FBXW5: variants seen among roughly 807,000 people sequenced by gnomAD.
The protein encoded by FBXW5 is F-box and WD repeat domain containing 5, also known as F-box/WD repeat-containing protein 5.
In FBXW5, 74 loss-of-function variants were observed where a neutral mutation model predicts 50.9. The observed-to-expected ratio is 1.45, with a 90% CI of 1.20 to 1.76. The LOEUF is 1.76. Among genes scored for constraint, FBXW5 ranks in the 40% most tolerant of loss-of-function variants. The pLI is 0.00. For missense variants in FBXW5, 1,073 were observed against 818.8 expected (o/e 1.31, Z -3.79); for synonymous variants, 523 against 362.2 (o/e 1.44, Z -5.04).
Position 136,940,793 on chromosome 9 carries a change from T to C in FBXW5, c.*135A>G, listed in dbSNP as rs547623993. 7 of 1,321,576 alleles carry C rather than the reference T, an allele frequency of 5.3e-6. No individual in the cohort carries two copies. The highest frequency in any genetic ancestry group is 4.4e-5 in the South Asian group (3 of 68,460). 81.9% of individuals were successfully genotyped at this position (1,321,576 alleles called of 1,614,324 possible). ...GCGTGAGCAGGTTTGTGTGTGAGCG[T>C]GTGGCGGGGCCTGGTTGTCCCCTTC... On this transcript the variant is annotated 3_prime_UTR_variant, in exon 9 of 9. Transcript: ENST00000325285.
Position 136,942,616 on chromosome 9 carries a change from G to A in FBXW5, c.606C>T (p.Ile202=). Residue 202 remains isoleucine, a synonymous_variant, in exon 5 of 9, where the codon ATC becomes ATT. Transcript: ENST00000325285. ...FGCWLTETSL[I]SGNLHRIGDI... is the part of the protein sequence containing the mutation. ...CTCCGATGCGGTGCAGGTTCCCCGA[G>A]ATGAGGCTGGTCTCGGTGAGCCAAC... 4 of 1,610,640 alleles carry A rather than the reference G, an allele frequency of 2.5e-6. No individual in the cohort carries two copies. Among genetic ancestry groups the A allele is most frequent in the Non-Finnish European group, 3.4e-6 (4 of 1,179,018 alleles).
At chr9:136,943,012 C>T in intron 3 of FBXW5, 69 bp from the exon 4 acceptor site, 1 of 1,601,606 alleles carries the variant, frequency 6.2e-7, no homozygotes, top group Non-Finnish European at 8.5e-7. Context: ...TACTACACAG[C>T]CATGAGGCCC....
Position 136,941,336 on chromosome 9 carries a change from G to C in FBXW5, c.1372C>G (p.Arg458Gly), listed in dbSNP as rs111761422. Residue 458 changes from arginine (R) to glycine (G), a missense_variant, in exon 8 of 9, where the codon CGG becomes GGG. Coordinates refer to ENST00000325285, the MANE Select transcript of FBXW5 (RefSeq NM_018998.4). ...TAGGCGCGGTGCGCACGCAGAGCCC[G>C]CCTCACCTCCCGCATGGTCTTGAGG... ...FDLKTMREVR[R>G]ALRAHRAYTP... is the part of the protein sequence containing the mutation. The C allele has an allele frequency of 5.0e-6, 8 of 1,610,602 alleles. No individual in the cohort carries two copies. The highest frequency in any genetic ancestry group is 1.3e-5 in the African/African-American group (1 of 74,842).
At chr9:136,943,152 C>G in intron 3 of FBXW5, 197 bp downstream of exon 3, 2 of 1,026,354 alleles carry the variant, frequency 1.9e-6, no homozygotes, top group Non-Finnish European at 1.4e-6. Context: ...GTGTGGGACC[C>G]TCTCCTCAGC....
rs999669605 is a variant in FBXW5 at position 136,941,575 on chromosome 9, G to C, written c.1206C>G (p.His402Gln). 3.7e-6 allele frequency: 6 copies of C among 1,609,804 alleles called. No homozygotes were observed. Among genetic ancestry groups the C allele is most frequent in the South Asian group, 2.2e-5 (2 of 90,864 alleles). The change falls in exon 7 of 9, where the codon CAC becomes CAG. Residue 402 changes from histidine to glutamine, a missense_variant. Transcript: ENST00000325285. ...ACAGGCCCATGCCGATGATGTGTCC[G>C]TGTATGTCTATGACGTGGTCCAGCG... ...FDALDHVIDIHGHIIGMGLSP... is the reference protein window; with the variant it reads ...FDALDHVIDIQGHIIGMGLSP...
chr9:136,943,770 T>TGGG lies in FBXW5; in HGVS notation c.193+118_193+120dup, dbSNP rs546612481. 79 of 1,184,484 alleles carry TGGG rather than the reference T, an allele frequency of 6.7e-5. No homozygotes were observed. In the African/African-American group the frequency reaches 1.1e-3, roughly 17 times the overall value. The allele number at this position is 1,184,484 out of a possible 1,614,324, so 73.4% of individuals were successfully genotyped here. ...GTCCTGACAGGCCTCTATCAGGGTGTGGGGGGGTGAGCATGGACACGCGGG... is the reference window on the plus strand; with the variant it reads ...GTCCTGACAGGCCTCTATCAGGGTGTGGGGGGGGGGTGAGCATGGACACGCGGG... On this transcript the variant is annotated intron_variant, in intron 2 of 8. Coordinates refer to ENST00000325285, the MANE Select transcript of FBXW5 (RefSeq NM_018998.4).
In FBXW5 at chr9:136,944,018, G is replaced by A; in HGVS notation, c.66C>T (p.Gly22=). 1 of 1,601,420 alleles carries A rather than the reference G, an allele frequency of 6.2e-7. No individual in the cohort carries two copies. The highest frequency in any genetic ancestry group is 8.5e-7 in the Non-Finnish European group (1 of 1,174,876). The part of the protein sequence containing the change: ...SLVYQIFLSL[G]PADVLAAGLV... ...GCCCGGCGGCCAGCACGTCGGCCGGGCCCAGGCTCAGGAAGATCTGGTAGA... is the reference window on the plus strand; with the variant it reads ...GCCCGGCGGCCAGCACGTCGGCCGGACCCAGGCTCAGGAAGATCTGGTAGA... The change falls in exon 2 of 9, where the codon GGC becomes GGT. Residue 22 remains glycine, a synonymous_variant. Transcript: ENST00000325285.
At position 136,943,394 on chromosome 9, in the gene FBXW5, A is replaced by G. The variant is rs1180833236; in HGVS notation, c.306T>C (p.His102=). ...AGCAGGACGCGAACTGGTACCCGGA[A>G]TGGGAGAAGCTGAGGTGCAGGACCT... ...TDQVLHLSFS[H]SGYQFASCSK... Residue 102 remains histidine, a synonymous_variant, in exon 3 of 9, where the codon CAT becomes CAC. Transcript: ENST00000325285. The G allele has an allele frequency of 6.2e-7, 1 of 1,612,728 alleles. No homozygotes were observed. Among genetic ancestry groups the G allele is most frequent in the Non-Finnish European group, 8.5e-7 (1 of 1,179,948 alleles).
chr9:136,941,500 G>A (rs1241998943), intron 7 of FBXW5, 37 bp from the exon 8 acceptor site: 7 of 1,606,126 alleles, frequency 4.4e-6, no homozygotes, highest in Admixed American at 1.7e-5. Context: ...TGGGCCGCCT[G>A]CGGGCACCCC....
In FBXW5 at chr9:136,941,649, C is replaced by T; in HGVS notation, c.1132G>A (p.Ala378Thr). 6.4e-7 allele frequency: 1 copy of T among 1,568,974 alleles called. No homozygotes were observed. Among genetic ancestry groups the T allele is most frequent in the Non-Finnish European group, 8.6e-7 (1 of 1,157,516 alleles). The stretch of plus-strand genomic sequence containing the variant: ...CGGCCCTCACCCAGCACGGGCCCTG[C>T]CGTGGTCATCTGGTGTGGCAGGATC... The part of the protein sequence containing the change: ...KQILPHQMTT[A>T]GPVLGEGRGS... The change falls in exon 7 of 9, where the codon GCA (alanine) becomes ACA (threonine). Residue 378 changes from alanine (A) to threonine (T), a missense_variant. Ala to Thr is a moderately conservative substitution (Grantham distance 58). Coordinates refer to ENST00000325285, the MANE Select transcript of FBXW5 (RefSeq NM_018998.4).
In FBXW5 at chr9:136,940,726, G is replaced by T. The variant is rs936039291; in HGVS notation, c.*202C>A. 47 of 833,742 alleles carry T rather than the reference G, an allele frequency of 5.6e-5. No individual in the cohort carries two copies. The Admixed American group carries it at 1.3e-3, about 24-fold the overall frequency. The allele number at this position is 833,742 out of a possible 1,614,324, so 51.6% of individuals were successfully genotyped here. On this transcript the variant is annotated 3_prime_UTR_variant, in exon 9 of 9. Transcript: ENST00000325285. Reference sequence around the variant, plus strand: ...TGCCCAGGAGGCCGAGGGGGCCTTGGGCTCCATCTGCACTGGCCACCCCGT... The same window carrying T: ...TGCCCAGGAGGCCGAGGGGGCCTTGTGCTCCATCTGCACTGGCCACCCCGT...
In FBXW5 at chr9:136,942,430, G is replaced by C; in HGVS notation, c.712C>G (p.Leu238Val). The change falls in exon 6 of 9, where the codon CTG becomes GTG. Residue 238 changes from leucine to valine, a missense_variant. Leu to Val is a conservative substitution (Grantham distance 32). Coordinates refer to ENST00000325285, the MANE Select transcript of FBXW5 (RefSeq NM_018998.4). ...ESENVNVVKR[L>V]FKIQNLNAST... is the part of the protein sequence containing the mutation. ...GCATTGAGGTTCTGGATCTTGAACA[G>C]CCGCTTCACCACGTTGACGTTCTCT... The C allele has an allele frequency of 6.2e-7, 1 of 1,602,392 alleles. No individual in the cohort carries two copies. Among genetic ancestry groups the C allele is most frequent in the Non-Finnish European group, 8.5e-7 (1 of 1,171,736 alleles).
rs781059087 is a variant in FBXW5 at position 136,941,123 on chromosome 9, G to A, written c.1506C>T (p.Ile502=). The A allele has an allele frequency of 3.1e-6, 5 of 1,600,932 alleles. No homozygotes were observed. Among genetic ancestry groups the A allele is most frequent in the Non-Finnish European group, 1.7e-6 (2 of 1,174,290 alleles). The change falls in exon 9 of 9, where the codon ATC becomes ATT. Residue 502 remains isoleucine, a synonymous_variant. Transcript: ENST00000325285. The part of the protein sequence containing the change: ...HGYIWDRHYN[I]CLARLRHEDV... ...CCTCGTGCCGCAGCCTGGCCAGACA[G>A]ATGTTGTAGTGGCGGTCCCAGATGT...
Position 136,941,406 on chromosome 9 carries a change from C to T in FBXW5, c.1302G>A (p.Met434Ile). The T allele has an allele frequency of 1.9e-6, 3 of 1,610,732 alleles. No homozygotes were observed. The highest frequency in any genetic ancestry group is 2.5e-6 in the Non-Finnish European group (3 of 1,179,884). The change falls in exon 8 of 9, where the codon ATG becomes ATA. Residue 434 changes from methionine (M) to isoleucine (I), a missense_variant. By Grantham distance (10) the Met-to-Ile change is conservative (BLOSUM62 1). Coordinates refer to ENST00000325285, the MANE Select transcript of FBXW5 (RefSeq NM_018998.4). Reference sequence around the variant, plus strand: ...TCTCCTCCGCGATTGGTGGCGGCTGCATGGGGTCGGCCACCACCGCACCGT... The same window carrying T: ...TCTCCTCCGCGATTGGTGGCGGCTGTATGGGGTCGGCCACCACCGCACCGT... ...WPNGAVVADP[M>I]QPPPIAEEID...
chr9:136,942,763 G>A lies in FBXW5; in HGVS notation c.526+6C>T, dbSNP rs370380736. 1.9e-6 allele frequency: 3 copies of A among 1,612,722 alleles called. No homozygotes were observed. Among genetic ancestry groups the A allele is most frequent in the Non-Finnish European group, 2.5e-6 (3 of 1,179,896 alleles). ...GGGGCAGGGTCAACCCGCCGCCCGT[G>A]CTCACCTAGGCTGATGACAGCAATC... On this transcript the variant is annotated splice_donor_region_variant and intron_variant, in intron 4 of 8. Coordinates refer to ENST00000325285, the MANE Select transcript of FBXW5 (RefSeq NM_018998.4).
intron 6 of FBXW5, 43 bp downstream of exon 6, chr9:136,942,003 A>G (rs765352491): frequency 7.1e-6 from 11 of 1,555,096 alleles, no homozygotes; most frequent in South Asian, 2.4e-5. Context: ...GCCTCCCCCA[A>G]GCTCCTAGGA....
chr9:136,941,650 C>G lies in FBXW5; in HGVS notation c.1131G>C (p.Thr377=), dbSNP rs139502785. ...IKQILPHQMT[T]AGPVLGEGRG... The stretch of plus-strand genomic sequence containing the variant: ...GGCCCTCACCCAGCACGGGCCCTGC[C>G]GTGGTCATCTGGTGTGGCAGGATCT... Residue 377 remains threonine, a synonymous_variant, in exon 7 of 9, where the codon ACG becomes ACC. Transcript: ENST00000325285. 6.7e-5 allele frequency: 105 copies of G among 1,569,156 alleles called. No individual in the cohort carries two copies. Among genetic ancestry groups the G allele is most frequent in the Non-Finnish European group, 9.0e-5 (104 of 1,157,648 alleles).
intron 1 of FBXW5, 155 bp downstream of exon 1, chr9:136,944,439 A>G (rs1850953764): frequency 2.2e-6 from 2 of 917,064 alleles, no homozygotes; most frequent in Non-Finnish European, 1.3e-6. Context: ...GCGGCCAGGC[A>G]GTGGCCTCCG....
chr9:136,941,496 G>A lies in FBXW5; in HGVS notation c.1245-33C>T, dbSNP rs763005819. 13 of 1,605,168 alleles carry A rather than the reference G, an allele frequency of 8.1e-6. No homozygotes were observed. The Admixed American group carries it at 1.0e-4, about 12-fold the overall frequency. Reference sequence around the variant, plus strand: ...AGGGGCACTGTGCTAGGTGTGGGCCGCCTGCGGGCACCCCGCCTGGGACAC... The same window carrying A: ...AGGGGCACTGTGCTAGGTGTGGGCCACCTGCGGGCACCCCGCCTGGGACAC... On this transcript the variant is annotated intron_variant, in intron 7 of 8. Transcript: ENST00000325285.
Sources: gnomAD v4.1 joint callset for allele counts on GRCh38, gnomAD v4.1.1 for gene constraint, MANE v1.5 for transcripts, NCBI Gene and HGNC (gene_info 2026-07-23, HGNC 2026-07-21) for gene names.